The following GBE1 variants were observed in gnomAD, a reference collection of about 807,000 sequenced individuals.
GBE1 encodes the protein 1,4-alpha-glucan-branching enzyme.
GBE1 carries 70 observed loss-of-function variants against 88.8 expected under a neutral mutation model. That is an observed-to-expected ratio of 0.79 (90% CI 0.65 to 0.96). The LOEUF is 0.96. Ranked by LOEUF, GBE1 falls within the 40% of genes least tolerant of loss-of-function variation. The pLI, the probability that GBE1 is intolerant of heterozygous loss-of-function variation, is 0.00. For missense variants in GBE1, 872 were observed against 871.0 expected, an observed-to-expected ratio of 1.00 and a Z score of -0.01; for synonymous variants, 284 against 300.1, an observed-to-expected ratio of 0.95 and a Z score of 0.56.
At chr3:81,716,201 T>C (rs1159622362) in intron 1 of GBE1, among the ~76,000 whole-genome samples, 1 of 152,214 alleles carries the variant, frequency 6.6e-6, no homozygotes, top group African/African-American at 2.4e-5. Flanking sequence ...GTTTTGTTCT[T>C]ACTTAGTCTA....
chr3:81,749,647 G>A (rs1371388198), intron 1 of GBE1, among the ~76,000 whole-genome samples: 1 of 152,184 alleles, frequency 6.6e-6, no homozygotes, highest in Non-Finnish European at 1.5e-5. Context: ...AAGGTCTGTA[G>A]TTTGCACCAA....
chr3:81,696,570 T>G (rs1168125616), intron 2 of GBE1, among the ~76,000 whole-genome samples: 3 of 152,194 alleles, frequency 2.0e-5, no homozygotes, highest in African/African-American at 7.2e-5. Context: ...AGAAAACATC[T>G]AACTTGATAA....
At chr3:81,572,168 C>T (rs1307619343) in intron 12 of GBE1, among the ~76,000 whole-genome samples, 1 of 152,108 alleles carries the variant, frequency 6.6e-6, no homozygotes, top group Non-Finnish European at 1.5e-5. Flanking sequence ...TGTGAAGGTG[C>T]CTTGCTTCCC....
chr3:81,704,858 C>G (rs1259697316), intron 2 of GBE1, among the ~76,000 whole-genome samples: 1 of 152,096 alleles, frequency 6.6e-6, no homozygotes, highest in Non-Finnish European at 1.5e-5. Context: ...AGAAACCTGA[C>G]TTTGCTTTCC....
intron 1 of GBE1, among the ~76,000 whole-genome samples, chr3:81,735,164 T>C (rs1402724677): frequency 6.6e-6 from 1 of 152,194 alleles, no homozygotes; most frequent in Non-Finnish European, 1.5e-5. Flanking sequence ...AAATGTATAC[T>C]GATACTACAT....
chr3:81,588,103 C>CT (rs5850528), intron 9 of GBE1, among the ~76,000 whole-genome samples: 68 of 146,338 alleles, frequency 4.6e-4, no homozygotes, highest in Non-Finnish European at 7.2e-4. Flanking sequence ...TCAAATGCTT[C>CT]TTTTTTTTTT....
At chr3:81,739,972 C>A (rs1167538706) in intron 1 of GBE1, among the ~76,000 whole-genome samples, 1 of 152,046 alleles carries the variant, frequency 6.6e-6, no homozygotes, top group Non-Finnish European at 1.5e-5. Context: ...CACCTGTAAT[C>A]CCAGCAATTT....
At chr3:81,681,548 T>C (rs1010174713) in intron 2 of GBE1, among the ~76,000 whole-genome samples, 1 of 152,184 alleles carries the variant, frequency 6.6e-6, no homozygotes, top group Non-Finnish European at 1.5e-5. Context: ...CCTAACCCTA[T>C]AGCCACTTAT....
chr3:81,722,896 G>GTATATATATATATATATA (rs553712949), intron 1 of GBE1, among the ~76,000 whole-genome samples: 3 of 135,318 alleles, frequency 2.2e-5, no homozygotes, highest in South Asian at 2.3e-4. Flanking sequence ...GTGTGTGTGT[G>GTATATATATATATATATA]TATATATATA....
At chr3:81,665,413 G>A (rs926081830) in intron 3 of GBE1, among the ~76,000 whole-genome samples, 3 of 151,966 alleles carry the variant, frequency 2.0e-5, no homozygotes, top group Admixed American at 2.0e-4. Flanking sequence ...GCGGGCGCCT[G>A]TAGTCCCAGC....
At chr3:81,530,632 A>T (rs1291687335) in intron 14 of GBE1, among the ~76,000 whole-genome samples, 1 of 151,910 alleles carries the variant, frequency 6.6e-6, no homozygotes, top group African/African-American at 2.4e-5. Flanking sequence ...TATCAGGCAG[A>T]ATCTCTTGTT....
intron 10 of GBE1, 134 bp downstream of exon 10, chr3:81,585,958 C>CAAAA: frequency 1.9e-6 from 1 of 538,218 alleles, no homozygotes; most frequent in South Asian, 3.0e-5. Flanking sequence ...GCATAAGAAT[C>CAAAA]GACAGACTAA....
At chr3:81,520,278 A>G (rs1273153549) in intron 14 of GBE1, among the ~76,000 whole-genome samples, 2 of 151,482 alleles carry the variant, frequency 1.3e-5, no homozygotes, top group Non-Finnish European at 3.0e-5. Flanking sequence ...CTAACAGTAT[A>G]TGCTCACTGC....
rs541791742 is a variant in GBE1 at position 81,652,873 on chromosome 3, G to T, written c.430-2952C>A. Among the ~76,000 whole-genome samples, 21 of 152,240 alleles carry T rather than the reference G, an allele frequency of 1.4e-4. 1 individual carries two copies. The highest frequency in any genetic ancestry group is 5.9e-5 in the Non-Finnish European group (4 of 68,016). ...TGCTCACAAAACTCTTTTGGTGAGG[G>T]GGAGGGTACATCCTGCATTTGTGTT... On this transcript the variant is annotated intron_variant, in intron 3 of 15. Coordinates refer to ENST00000429644, the MANE Select transcript of GBE1 (RefSeq NM_000158.4).
At chr3:81,623,938 G>A (rs886316628) in intron 7 of GBE1, among the ~76,000 whole-genome samples, 7 of 152,214 alleles carry the variant, frequency 4.6e-5, no homozygotes, top group Admixed American at 3.3e-4. Context: ...CCCAAAGTAC[G>A]AAAATTACAA....
intron 7 of GBE1, among the ~76,000 whole-genome samples, chr3:81,606,343 C>A (rs898453212): frequency 1.3e-5 from 2 of 152,208 alleles, no homozygotes; most frequent in Non-Finnish European, 2.9e-5. Context: ...TAAAACCATG[C>A]ACCAGGTGCT....
In GBE1 at chr3:81,670,949, AC is replaced by A. The variant is rs2107114812; in HGVS notation, c.317del (p.Gly106ValfsTer37). 6.6e-7 allele frequency: 1 copy of A among 1,509,534 alleles called. No homozygotes were observed. Among genetic ancestry groups the A allele is most frequent in the Admixed American group, 2.1e-5 (1 of 47,930 alleles). The allele number at this position is 1,509,534 out of a possible 1,614,324, so 93.5% of individuals were successfully genotyped here. On this transcript the variant is annotated frameshift_variant, in exon 3 of 16. Transcript: ENST00000429644. LOFTEE classifies it high-confidence loss of function. Reference protein sequence around the residue: ...EGVFLTGDFNGWNPFSYPYKK... With the variant: ...EGVFLTGDFNXWNPFSYPYKK... ...TGTATGGGTACGAAAATGGATTCCA[AC>A]CATCTAAAAAAATGAAGAAGATCAG...
At chr3:81,515,032 T>G (rs1702778727) in intron 14 of GBE1, among the ~76,000 whole-genome samples, 1 of 151,690 alleles carries the variant, frequency 6.6e-6, no homozygotes, top group African/African-American at 2.4e-5. Flanking sequence ...TTTGGATAAA[T>G]TAAGTAAAGC....
At chr3:81,683,579 C>G (rs1357916779) in intron 2 of GBE1, among the ~76,000 whole-genome samples, 1 of 152,192 alleles carries the variant, frequency 6.6e-6, no homozygotes, top group Non-Finnish European at 1.5e-5. Flanking sequence ...ATCCTCTTCT[C>G]AAACCCAGAT....
Sources: allele counts gnomAD v4.1 joint callset (sites outside exome capture counted in the v4.1 genomes callset), GRCh38; gene constraint gnomAD v4.1.1; transcripts MANE v1.5; gene names NCBI Gene and HGNC (gene_info 2026-07-23, HGNC 2026-07-21).